The following KIF3C variants were observed in gnomAD, a reference collection of about 807,000 sequenced individuals.
KIF3C encodes the protein kinesin-like protein KIF3C.
KIF3C carries 12 observed loss-of-function variants against 67.7 expected under a neutral mutation model. The observed-to-expected ratio is 0.18, with a 90% CI of 0.11 to 0.29. The LOEUF (loss-of-function observed/expected upper bound fraction) is 0.29. Ranked by LOEUF, KIF3C falls within the 10% of genes least tolerant of loss-of-function variation. The pLI, the probability that KIF3C is intolerant of heterozygous loss-of-function variation, is 1.00. For missense variants in KIF3C, 789 were observed against 1,059.6 expected (o/e 0.74, Z 3.55); for synonymous variants, 393 against 426.2 (o/e 0.92, Z 0.96).
chr2:25,980,272 AC>A lies in KIF3C; in HGVS notation c.1545+100del. 2 of 946,962 alleles carry A rather than the reference AC, an allele frequency of 2.1e-6. No individual in the cohort carries two copies. Among genetic ancestry groups the A allele is most frequent in the Non-Finnish European group, 3.1e-6 (2 of 638,442 alleles). 58.7% of individuals were successfully genotyped at this position (946,962 alleles called of 1,614,324 possible). On this transcript the variant is annotated intron_variant, in intron 1 of 7. Transcript: ENST00000264712. The surrounding 1 kb of genome is among the most constrained non-coding windows in gnomAD (Gnocchi z 7.6). ...GGGCAGTGTGCGGTGCTGAGGGAGA[AC>A]CTCCACTTCAGGCCAGGTCACAGAC... is the stretch of plus-strand genomic sequence containing the variant.
chr2:25,978,683 C>T (rs1205139681), intron 1 of KIF3C, among the ~76,000 whole-genome samples: 4 of 152,168 alleles, frequency 2.6e-5, no homozygotes, highest in Admixed American at 2.6e-4. Flanking sequence ...CACCCCATCC[C>T]TCAGGCAGCC....
At chr2:25,973,829 G>C (rs1664341408) in intron 1 of KIF3C, among the ~76,000 whole-genome samples, 4 of 152,212 alleles carry the variant, frequency 2.6e-5, no homozygotes, top group Admixed American at 2.0e-4. Flanking sequence ...GGGTAGAACA[G>C]CTGGTGCAGG....
intron 1 of KIF3C, among the ~76,000 whole-genome samples, chr2:25,968,512 C>T (rs890709728): frequency 1.3e-5 from 2 of 152,110 alleles, no homozygotes; most frequent in South Asian, 2.1e-4. Context: ...TTCACCTTTC[C>T]GCCCTATTTC....
Position 25,982,181 on chromosome 2 carries a change from C to G in KIF3C, c.-264G>C, listed in dbSNP as rs995439040. The stretch of plus-strand genomic sequence containing the variant: ...CAGTCGCCGCGGGAGCAGCGCCTGC[C>G]GAGCAGCCGTGCCCGGAGCCCGCCC... On this transcript the variant is annotated 5_prime_UTR_variant, in exon 1 of 8. Transcript: ENST00000264712. 2.3e-6 allele frequency: 1 copy of G among 443,734 alleles called. No individual in the cohort carries two copies. Among genetic ancestry groups the G allele is most frequent in the Non-Finnish European group, 4.0e-6 (1 of 252,554 alleles). 27.5% of individuals were successfully genotyped at this position (443,734 alleles called of 1,614,324 possible).
intron 1 of KIF3C, among the ~76,000 whole-genome samples, chr2:25,978,622 T>A (rs1664478549): frequency 6.6e-6 from 1 of 152,028 alleles, no homozygotes; most frequent in Non-Finnish European, 1.5e-5. Context: ...CTGCCTTAGA[T>A]CCAAGGATCT....
intron 5 of KIF3C, among the ~76,000 whole-genome samples, chr2:25,931,213 T>C (rs372510107): frequency 4.9e-4 from 75 of 152,098 alleles, no homozygotes; most frequent in African/African-American, 1.7e-3. Flanking sequence ...TCCCAGCACT[T>C]TGGGAGGCCG....
intron 1 of KIF3C, among the ~76,000 whole-genome samples, chr2:25,973,259 C>G (rs1664324420): frequency 6.6e-6 from 1 of 151,994 alleles, no homozygotes. Flanking sequence ...GTGTAAAAAG[C>G]TGTACATATT....
intron 1 of KIF3C, among the ~76,000 whole-genome samples, chr2:25,979,521 G>T (rs980910067): frequency 7.9e-5 from 12 of 152,206 alleles, no homozygotes; most frequent in Admixed American, 7.9e-4. Context: ...CCTGAGAAAA[G>T]AGAGAAGCAA....
At chr2:25,967,637 T>C (rs1664177584) in intron 1 of KIF3C, among the ~76,000 whole-genome samples, 1 of 152,168 alleles carries the variant, frequency 6.6e-6, no homozygotes, top group Non-Finnish European at 1.5e-5. Context: ...TGAGACCCCA[T>C]CTCTACAAAA....
chr2:25,929,339 G>A lies in KIF3C; in HGVS notation c.2254C>T (p.Pro752Ser). Reference protein sequence around the residue: ...LMRLDSFLERPSTSKVRKSRS... With the variant: ...LMRLDSFLERSSTSKVRKSRS... ...GACTTTCGGACTTTAGACGTGGAAG[G>A]TCTTTCCAGAAAGCTGTCCAATCGC... is the stretch of plus-strand genomic sequence containing the variant. Residue 752 changes from proline (P) to serine (S), a missense_variant, in exon 7 of 8, where the codon CCT becomes TCT. This residue lies in a region of KIF3C where 648 missense variants were observed against 807.8 expected (regional missense o/e 0.80). Coordinates refer to ENST00000264712, the MANE Select transcript of KIF3C (RefSeq NM_002254.8). The A allele has an allele frequency of 1.2e-6, 2 of 1,614,164 alleles. No homozygotes were observed. The highest frequency in any genetic ancestry group is 8.5e-7 in the Non-Finnish European group (1 of 1,180,020).
intron 5 of KIF3C, among the ~76,000 whole-genome samples, chr2:25,947,499 T>G (rs1284158079): frequency 6.6e-6 from 1 of 151,564 alleles, no homozygotes; most frequent in Non-Finnish European, 1.5e-5. Context: ...GAGAATGGCG[T>G]GAACCCGGGA....
intron 1 of KIF3C, among the ~76,000 whole-genome samples, chr2:25,968,911 C>T (rs1009126992): frequency 8.5e-5 from 13 of 152,094 alleles, no homozygotes; most frequent in African/African-American, 3.1e-4. Flanking sequence ...GCAACATCCG[C>T]CTTCCGGGTT....
chr2:25,982,357 G>T lies in KIF3C; in HGVS notation c.-440C>A, dbSNP rs1664626368. The T allele has an allele frequency of 5.0e-6, 2 of 398,908 alleles. No homozygotes were observed. The highest frequency in any genetic ancestry group is 8.8e-6 in the Non-Finnish European group (2 of 226,376). The allele number at this position is 398,908 out of a possible 1,614,324, so 24.7% of individuals were successfully genotyped here. A position where few individuals can be genotyped will look rare whatever the true frequency, so the allele number is the denominator to read the frequency against. ...GGGCTGCCGGTCGTGGGCGGCCGGGGGTCCCGGGCCTCCCGAGGGCAGAGG... is the reference window on the plus strand; with the variant it reads ...GGGCTGCCGGTCGTGGGCGGCCGGGTGTCCCGGGCCTCCCGAGGGCAGAGG... On this transcript the variant is annotated 5_prime_UTR_variant, in exon 1 of 8. Coordinates refer to ENST00000264712, the MANE Select transcript of KIF3C (RefSeq NM_002254.8).
intron 1 of KIF3C, among the ~76,000 whole-genome samples, chr2:25,969,460 C>T (rs1027964414): frequency 1.4e-4 from 22 of 151,982 alleles, no homozygotes; most frequent in African/African-American, 5.1e-4. Context: ...CCAAACACCA[C>T]CTGTTCCCCC....
Position 25,929,420 on chromosome 2 carries a change from C to T in KIF3C, c.2173G>A (p.Glu725Lys), listed in dbSNP as rs1162694448. The change falls in exon 7 of 8, where the codon GAA becomes AAA. Residue 725 changes from glutamate to lysine, a missense_variant. Glu to Lys is a moderately conservative substitution (Grantham distance 56). Around this residue, in one of 2 missense-constraint regions of KIF3C, gnomAD observed 648 missense variants for 807.8 expected, o/e 0.80. Transcript: ENST00000264712. ...TCTTGTTCTTGGTCGTGAGAGAATT[C>T]CATCTCAAAGACAGCTGGAGGGGAC... ...DVSPPAVFEM[E>K]FSHDQEQDPR... is the part of the protein sequence containing the mutation. 3.1e-6 allele frequency: 5 copies of T among 1,614,052 alleles called. No individual in the cohort carries two copies. In the South Asian group the frequency reaches 4.4e-5, roughly 14 times the overall value.
At chr2:25,956,895 A>T (rs1461817548) in intron 1 of KIF3C, among the ~76,000 whole-genome samples, 1 of 152,198 alleles carries the variant, frequency 6.6e-6, no homozygotes, top group Non-Finnish European at 1.5e-5. Context: ...GGCAGCAGGA[A>T]AGGGTCTAAA....
chr2:25,981,603 A>G lies in KIF3C; in HGVS notation c.315T>C (p.Tyr105=), dbSNP rs201881810. ...GCTCCACCCAGGTCCCCTGCATGGT[A>G]TAGGTCTTGCCAGTGCCCGTCTGGC... ...AYGQTGTGKT[Y]TMQGTWVEPE... is the part of the protein sequence containing the mutation. The change falls in exon 1 of 8, where the codon TAT becomes TAC. Residue 105 remains tyrosine, a synonymous_variant. Coordinates refer to ENST00000264712, the MANE Select transcript of KIF3C (RefSeq NM_002254.8). The surrounding 1 kb of genome is among the most constrained non-coding windows in gnomAD (Gnocchi z 8.2). The G allele has an allele frequency of 8.7e-6, 14 of 1,614,182 alleles. No homozygotes were observed. The highest frequency in any genetic ancestry group is 1.3e-5 in the African/African-American group (1 of 75,054).
intron 5 of KIF3C, chr2:25,934,114 C>T (rs1224510680): frequency 6.4e-6 from 3 of 469,958 alleles, no homozygotes; most frequent in East Asian, 7.0e-5. Context: ...AGAACTCAGT[C>T]GCAACGGACT....
chr2:25,945,932 G>A (rs1449353494), intron 5 of KIF3C, among the ~76,000 whole-genome samples: 4 of 151,270 alleles, frequency 2.6e-5, no homozygotes, highest in Non-Finnish European at 4.4e-5. Context: ...CCAACATGGC[G>A]AAACTCCGTC....
Sources: allele counts gnomAD v4.1 joint callset (sites outside exome capture counted in the v4.1 genomes callset), GRCh38; gene constraint gnomAD v4.1.1; regional missense constraint gnomAD v4.1.1; non-coding constraint Gnocchi (gnomAD v3.1); transcripts MANE v1.5; gene names NCBI Gene and HGNC (gene_info 2026-07-23, HGNC 2026-07-21).